The following GRID2 variants were observed in gnomAD, a reference collection of about 807,000 sequenced individuals.
GRID2 encodes the protein glutamate ionotropic receptor delta type subunit 2.
GRID2 carries 33 observed loss-of-function variants against 114.8 expected under a neutral mutation model. The ratio of observed to expected loss-of-function variants is 0.29; its 90% confidence interval spans 0.22 to 0.38. The LOEUF (loss-of-function observed/expected upper bound fraction) is 0.38, where lower values mean the gene tolerates loss of function less well. Among genes scored for constraint, GRID2 ranks in the 10% least tolerant of loss-of-function variants. The pLI, the probability that GRID2 is intolerant of heterozygous loss-of-function variation, is 1.00. For missense variants in GRID2, 1,184 were observed against 1,257.7 expected, an observed-to-expected ratio of 0.94 and a Z score of 0.89; for synonymous variants, 505 against 449.9, an observed-to-expected ratio of 1.12 and a Z score of -1.55.
chr4:92,715,501 T>C (rs929493427), intron 2 of GRID2, among the ~76,000 whole-genome samples: 21 of 152,078 alleles, frequency 1.4e-4, no homozygotes, highest in African/African-American at 5.1e-4. Context: ...TTATTCCTTT[T>C]TACACTGCTG....
chr4:93,433,401 C>A (rs577951838), intron 10 of GRID2, among the ~76,000 whole-genome samples: 1 of 151,942 alleles, frequency 6.6e-6, no homozygotes, highest in Non-Finnish European at 1.5e-5. Context: ...TAATTGACAA[C>A]ATAAAACAAA....
intron 1 of GRID2, among the ~76,000 whole-genome samples, chr4:92,568,305 C>T (rs1329184879): frequency 6.6e-6 from 1 of 151,994 alleles, no homozygotes; most frequent in Non-Finnish European, 1.5e-5. Flanking sequence ...TTATAGAAGA[C>T]TCAATAAGCC....
chr4:93,659,695 G>A (rs1003904259), intron 14 of GRID2, among the ~76,000 whole-genome samples: 14 of 152,088 alleles, frequency 9.2e-5, no homozygotes, highest in African/African-American at 3.1e-4. Flanking sequence ...AGTTTAATAG[G>A]CAGATTGCAG....
intron 10 of GRID2, among the ~76,000 whole-genome samples, chr4:93,426,344 A>C (rs1479588541): frequency 6.6e-6 from 1 of 152,126 alleles, no homozygotes; most frequent in Non-Finnish European, 1.5e-5. Context: ...TATCTTTCTA[A>C]GGGCTGTTTC....
intron 14 of GRID2, among the ~76,000 whole-genome samples, chr4:93,647,575 T>G (rs1043029396): frequency 2.0e-5 from 3 of 152,186 alleles, no homozygotes; most frequent in African/African-American, 2.4e-5. Flanking sequence ...CAGATTAATA[T>G]AACTCTGTCT....
downstream of GRID2, among the ~76,000 whole-genome samples, chr4:93,776,227 C>T (rs1256310187): frequency 6.6e-6 from 1 of 152,172 alleles, no homozygotes; most frequent in Non-Finnish European, 1.5e-5. Flanking sequence ...AGCCAACCCT[C>T]ATGACCAAAT....
intron 14 of GRID2, among the ~76,000 whole-genome samples, chr4:93,713,329 G>A (rs930745465): frequency 6.6e-6 from 1 of 152,036 alleles, no homozygotes; most frequent in East Asian, 1.9e-4. Flanking sequence ...GTCTTATCCT[G>A]ACAGTTTGTT....
At chr4:93,634,572 C>T (rs1721247548) in intron 14 of GRID2, among the ~76,000 whole-genome samples, 1 of 152,090 alleles carries the variant, frequency 6.6e-6, no homozygotes, top group South Asian at 2.1e-4. Flanking sequence ...ATTCACACAA[C>T]TAATAACAAA....
At chr4:93,374,389 A>G (rs1763192570) in intron 8 of GRID2, among the ~76,000 whole-genome samples, 1 of 152,166 alleles carries the variant, frequency 6.6e-6, no homozygotes, top group Non-Finnish European at 1.5e-5. Context: ...CATGTTATCA[A>G]TCAGTTACAA....
At chr4:92,770,286 C>A in intron 2 of GRID2, among the ~76,000 whole-genome samples, 1 of 152,292 alleles carries the variant, frequency 6.6e-6, no homozygotes, top group East Asian at 1.9e-4. Context: ...CAGCCTGGAT[C>A]TTATTGTTCA....
chr4:93,762,040 T>C (rs1733257075), intron 14 of GRID2, among the ~76,000 whole-genome samples: 1 of 152,164 alleles, frequency 6.6e-6, no homozygotes, highest in Non-Finnish European at 1.5e-5. Context: ...ATGAAAAAAT[T>C]GATGAATGAA....
chr4:93,368,650 CAAT>C (rs1350567187), intron 8 of GRID2, among the ~76,000 whole-genome samples: 6 of 151,996 alleles, frequency 3.9e-5, no homozygotes, highest in Non-Finnish European at 7.4e-5. Context: ...TTAAGTAAAA[CAAT>C]AAACTTTTTC....
intron 1 of GRID2, among the ~76,000 whole-genome samples, chr4:92,342,582 AGG>A (rs1560576781): frequency 2.6e-5 from 4 of 152,230 alleles, no homozygotes; most frequent in Admixed American, 2.6e-4. Context: ...ATCAATAGAA[AGG>A]TGTTCTTGGA....
intron 8 of GRID2, among the ~76,000 whole-genome samples, chr4:93,323,704 G>T (rs1316545224): frequency 6.6e-6 from 1 of 152,040 alleles, no homozygotes; most frequent in Admixed American, 6.6e-5. Flanking sequence ...CCATTTGTTT[G>T]TGTCCTCTTT....
At chr4:92,927,344 A>G (rs910220992) in intron 2 of GRID2, among the ~76,000 whole-genome samples, 2 of 151,816 alleles carry the variant, frequency 1.3e-5, no homozygotes, top group Admixed American at 1.3e-4. Flanking sequence ...TGCCAGTTCT[A>G]TGGATGCTGG....
intron 14 of GRID2, among the ~76,000 whole-genome samples, chr4:93,690,988 TAA>T (rs971877506): frequency 6.7e-6 from 1 of 149,416 alleles, no homozygotes; most frequent in Non-Finnish European, 1.5e-5. Context: ...TTAATATCAC[TAA>T]AAAAGCATAC....
At chr4:93,490,536 A>T in intron 11 of GRID2, 103 bp from the exon 12 acceptor site, 1 of 763,956 alleles carries the variant, frequency 1.3e-6, no homozygotes, top group East Asian at 2.5e-5. Context: ...AGCAGAAAAA[A>T]TTCTCACTAC....
chr4:93,726,751 T>A (rs2110210248), intron 14 of GRID2, among the ~76,000 whole-genome samples: 1 of 152,292 alleles, frequency 6.6e-6, no homozygotes, highest in East Asian at 1.9e-4. Flanking sequence ...GAAGCAATTG[T>A]GAATGGGAGT....
At chr4:93,318,022 T>TATATATATATATATATATATA (rs3043886) in intron 8 of GRID2, among the ~76,000 whole-genome samples, 286 of 133,884 alleles carry the variant, frequency 2.1e-3, no homozygotes, top group Non-Finnish European at 2.8e-3. Flanking sequence ...TATATATATA[T>TATATATATATATATATATATA]TACTACTTTC....
Sources: gnomAD v4.1 joint callset for allele counts (sites outside exome capture counted in the v4.1 genomes callset) on GRCh38, gnomAD v4.1.1 for gene constraint, MANE v1.5 for transcripts, NCBI Gene and HGNC (gene_info 2026-07-23, HGNC 2026-07-21) for gene names.